The following SMIM17 variants were observed in gnomAD, a reference collection of about 807,000 sequenced individuals.
The protein encoded by SMIM17 is small integral membrane protein 17.
Under a neutral mutation model 12.2 loss-of-function variants are expected in SMIM17, and 10 were observed. The ratio of observed to expected loss-of-function variants is 0.82; its 90% CI spans 0.50 to 1.39. The LOEUF (loss-of-function observed/expected upper bound fraction) is 1.39. SMIM17 is among the 40% of genes most tolerant of loss of function. The pLI, the probability that SMIM17 is intolerant of heterozygous loss-of-function variation, is 0.00. For synonymous variants in SMIM17, 50 were observed against 44.1 expected, an observed-to-expected ratio of 1.13 and a Z score of -0.53; for missense variants, 136 against 118.2, an observed-to-expected ratio of 1.15 and a Z score of -0.70.
At position 56,645,589 on chromosome 19, in the gene SMIM17, G is replaced by C. The variant is rs1319625822; in HGVS notation, c.-79G>C. The C allele has an allele frequency of 7.5e-7, 1 of 1,331,796 alleles. No individual in the cohort carries two copies. Among genetic ancestry groups the C allele is most frequent in the Non-Finnish European group, 9.9e-7 (1 of 1,014,314 alleles). 82.5% of individuals were successfully genotyped at this position (1,331,796 alleles called of 1,614,324 possible). A position where few individuals can be genotyped will look rare whatever the true frequency, so the allele number is the denominator to read the frequency against. On this transcript the variant is annotated 5_prime_UTR_variant, in exon 2 of 4. Transcript: ENST00000598409. Reference sequence around the variant, plus strand: ...TCAGTCCTCAGGTTCTGAATCTTGTGCCTGGAGAACCAGAGAGGACCCTGG... The same window carrying C: ...TCAGTCCTCAGGTTCTGAATCTTGTCCCTGGAGAACCAGAGAGGACCCTGG...
intron 3 of SMIM17, among the ~76,000 whole-genome samples, chr19:56,654,548 C>CA (rs1285692041): frequency 6.6e-6 from 1 of 152,150 alleles, no homozygotes; most frequent in Admixed American, 6.5e-5. Context: ...ATAAAGCCAA[C>CA]AGTACTTGCT....
Position 56,655,975 on chromosome 19 carries a change from C to T in SMIM17, c.*762C>T, listed in dbSNP as rs1432538069. On this transcript the variant is annotated 3_prime_UTR_variant, in exon 4 of 4. Coordinates refer to ENST00000598409, the MANE Select transcript of SMIM17 (RefSeq NM_001193628.2). Reference sequence around the variant, plus strand: ...TTTTGTTTTTTTTTTTTTTTGAGACCGAGTCTCACTCTGTCACCCAGTCTG... The same window carrying T: ...TTTTGTTTTTTTTTTTTTTTGAGACTGAGTCTCACTCTGTCACCCAGTCTG... 2.0e-5 allele frequency among the ~76,000 whole-genome samples: 3 copies of T among 146,466 alleles called. No individual in the cohort carries two copies. Among genetic ancestry groups the T allele is most frequent in the Non-Finnish European group, 3.0e-5 (2 of 66,918 alleles).
Position 56,655,124 on chromosome 19 carries a change from G to A in SMIM17, c.268G>A (p.Ala90Thr). Residue 90 changes from alanine (A) to threonine (T), a missense_variant, in exon 4 of 4, where the codon GCT becomes ACT. Coordinates refer to ENST00000598409, the MANE Select transcript of SMIM17 (RefSeq NM_001193628.2). Reference protein sequence around the residue: ...GSQGFVEWSKAPQQTTIVLVV... With the variant: ...GSQGFVEWSKTPQQTTIVLVV... ...TCAGGGCTTTGTGGAGTGGTCAAAA[G>A]CTCCACAACAAACAACCATAGTCTT... 1.4e-6 allele frequency: 1 copy of A among 699,724 alleles called. No homozygotes were observed. The highest frequency in any genetic ancestry group is 2.6e-6 in the Non-Finnish European group (1 of 383,100). The allele number at this position is 699,724 out of a possible 1,614,324, so 43.3% of individuals were successfully genotyped here. A position where few individuals can be genotyped will look rare whatever the true frequency, so the allele number is the denominator to read the frequency against.
chr19:56,648,318 C>T (rs1232104302), intron 3 of SMIM17, among the ~76,000 whole-genome samples: 1 of 147,858 alleles, frequency 6.8e-6, no homozygotes, highest in African/African-American at 2.5e-5. Flanking sequence ...ACCAACTATT[C>T]ATCTGTCCAC....
Position 56,645,788 on chromosome 19 carries a change from T to C in SMIM17, c.121T>C (p.Trp41Arg), listed in dbSNP as rs2045058461. 2.0e-6 allele frequency: 3 copies of C among 1,535,776 alleles called. No homozygotes were observed. Among genetic ancestry groups the C allele is most frequent in the Non-Finnish European group, 2.6e-6 (3 of 1,146,786 alleles). ...KPPHPACTKD[W>R]EAVEVGASSH... ...TCCTCATCCCGCCTGCACCAAAGACTGGGAGGCTGTGGAGGTTGGGGCCTC... is the reference window on the plus strand; with the variant it reads ...TCCTCATCCCGCCTGCACCAAAGACCGGGAGGCTGTGGAGGTTGGGGCCTC... The change falls in exon 2 of 4, where the codon TGG becomes CGG. Residue 41 changes from tryptophan (W) to arginine (R), a missense_variant. Trp to Arg is a moderately radical substitution (Grantham distance 101). Coordinates refer to ENST00000598409, the MANE Select transcript of SMIM17 (RefSeq NM_001193628.2).
rs1027237271 is a variant in SMIM17 at position 56,645,820 on chromosome 19, T to C, written c.153T>C (p.His51=). ...WEAVEVGASS[H]DSDEKDLSSQ... ...CTGTGGAGGTTGGGGCCTCCAGCCATGACAGTGATGAGAAAGGTGAGAGGC... is the reference window on the plus strand; with the variant it reads ...CTGTGGAGGTTGGGGCCTCCAGCCACGACAGTGATGAGAAAGGTGAGAGGC... The change falls in exon 2 of 4, where the codon CAT becomes CAC. Residue 51 remains histidine (H), a synonymous_variant. Transcript: ENST00000598409. The C allele has an allele frequency of 1.4e-5, 22 of 1,533,704 alleles. No homozygotes were observed. In the African/African-American group the frequency reaches 2.5e-4, roughly 17 times the overall value.
At chr19:56,644,962 T>C (rs781229366) in intron 1 of SMIM17, among the ~76,000 whole-genome samples, 1 of 152,178 alleles carries the variant, frequency 6.6e-6, no homozygotes, top group Non-Finnish European at 1.5e-5. Context: ...CCTCCCACCT[T>C]GGTCTCCCAA....
Position 56,655,307 on chromosome 19 carries a change from G to C in SMIM17, c.*94G>C, listed in dbSNP as rs1034042839. The stretch of plus-strand genomic sequence containing the variant: ...TTGTGCTAGTTAAAAATCAGGAATA[G>C]GTGTTGAATATTTTCAAATGCCTTT... On this transcript the variant is annotated 3_prime_UTR_variant, in exon 4 of 4. Transcript: ENST00000598409. The C allele has an allele frequency of 1.8e-6, 1 of 551,270 alleles. No individual in the cohort carries two copies. The highest frequency in any genetic ancestry group is 3.3e-6 in the Non-Finnish European group (1 of 304,688). 34.1% of individuals were successfully genotyped at this position (551,270 alleles called of 1,614,324 possible). A position where few individuals can be genotyped will look rare whatever the true frequency, so the allele number is the denominator to read the frequency against.
In SMIM17 at chr19:56,645,822, A is replaced by G; in HGVS notation, c.155A>G (p.Asp52Gly). 6.5e-7 allele frequency: 1 copy of G among 1,533,800 alleles called. No homozygotes were observed. The highest frequency in any genetic ancestry group is 2.0e-5 in the Admixed American group (1 of 50,464). Residue 52 changes from aspartate to glycine, a missense_variant, in exon 2 of 4, where the codon GAC (aspartate) becomes GGC (glycine). Coordinates refer to ENST00000598409, the MANE Select transcript of SMIM17 (RefSeq NM_001193628.2). ...GTGGAGGTTGGGGCCTCCAGCCATGACAGTGATGAGAAAGGTGAGAGGCAG... is the reference window on the plus strand; with the variant it reads ...GTGGAGGTTGGGGCCTCCAGCCATGGCAGTGATGAGAAAGGTGAGAGGCAG... ...EAVEVGASSH[D>G]SDEKDLSSQE...
intron 2 of SMIM17, 62 bp from the exon 3 acceptor site, chr19:56,647,496 C>G (rs1457309297): frequency 8.0e-7 from 1 of 1,242,484 alleles, no homozygotes; most frequent in African/African-American, 1.5e-5. Flanking sequence ...GGGAAGAGCC[C>G]ACTCCTGCCA....
rs184928040 is a variant in SMIM17, at chr19:56,656,191, G to A, written c.*978G>A. 4.3e-4 allele frequency among the ~76,000 whole-genome samples: 65 copies of A among 152,046 alleles called. No individual in the cohort carries two copies. The highest frequency in any genetic ancestry group is 1.3e-3 in the African/African-American group (54 of 41,492). ...GATCTCCTGACCTCGTGATCCGCCC[G>A]CCTTGGCCTCCCAAAGTGCTGGGAT... On this transcript the variant is annotated 3_prime_UTR_variant, in exon 4 of 4. Coordinates refer to ENST00000598409, the MANE Select transcript of SMIM17 (RefSeq NM_001193628.2).
At position 56,651,554 on chromosome 19, in the gene SMIM17, C is replaced by T. The variant is rs148640083; in HGVS notation, c.247-3549C>T. Reference sequence around the variant, plus strand: ...CATATGTAACACCTGCAAATCTTATCTAAGTGCATGAGATTTTAAAAAGAT... The same window carrying T: ...CATATGTAACACCTGCAAATCTTATTTAAGTGCATGAGATTTTAAAAAGAT... On this transcript the variant is annotated intron_variant, in intron 3 of 3. Transcript: ENST00000598409. Among the ~76,000 whole-genome samples, 13 of 152,300 alleles carry T rather than the reference C, an allele frequency of 8.5e-5. No homozygotes were observed. In the East Asian group the frequency reaches 2.5e-3, roughly 29 times the overall value.
At position 56,648,663 on chromosome 19, in the gene SMIM17, C is replaced by T. The variant is rs539766056; in HGVS notation, c.246+1029C>T. ...ATTCACACACCCAGTCATAAGACCA[C>T]CTACCAATCCATTCACCCATCCACC... On this transcript the variant is annotated intron_variant, in intron 3 of 3. Transcript: ENST00000598409. Among the ~76,000 whole-genome samples, 17 of 152,190 alleles carry T rather than the reference C, an allele frequency of 1.1e-4. No individual in the cohort carries two copies. In the South Asian group the frequency reaches 3.5e-3, roughly 32 times the overall value.
At chr19:56,647,172 A>G (rs1371036127) in intron 2 of SMIM17, among the ~76,000 whole-genome samples, 2 of 151,726 alleles carry the variant, frequency 1.3e-5, no homozygotes, top group Non-Finnish European at 2.9e-5. Flanking sequence ...CTGCTCCTTC[A>G]CTCAGTTTCT....
intron 2 of SMIM17, 144 bp from the exon 3 acceptor site, chr19:56,647,414 G>T: frequency 1.7e-6 from 1 of 580,448 alleles, no homozygotes; most frequent in Non-Finnish European, 3.0e-6. Context: ...AGAGAGAGAA[G>T]GAGGGTGAGA....
At chr19:56,648,376 TCCA>T (rs1362000517) in intron 3 of SMIM17, among the ~76,000 whole-genome samples, 18 of 22,644 alleles carry the variant, frequency 7.9e-4, no homozygotes, top group Non-Finnish European at 9.8e-4. Context: ...ATATACCCAT[TCCA>T]TCCATCCATC....
intron 2 of SMIM17, among the ~76,000 whole-genome samples, chr19:56,646,655 G>A (rs1035052169): frequency 1.3e-5 from 2 of 152,176 alleles, no homozygotes; most frequent in South Asian, 2.1e-4. Context: ...GAAGGTGGGA[G>A]GCCAGTTAGG....
intron 1 of SMIM17, among the ~76,000 whole-genome samples, chr19:56,644,809 C>G (rs2045049458): frequency 6.6e-6 from 1 of 152,182 alleles, no homozygotes. Context: ...GTCTTTCTCT[C>G]TTACCCAGGC....
intron 3 of SMIM17, among the ~76,000 whole-genome samples, chr19:56,654,784 C>A (rs912082837): frequency 6.6e-5 from 10 of 152,122 alleles, no homozygotes; most frequent in African/African-American, 1.4e-4. Flanking sequence ...AACAAATACA[C>A]ATACATATGC....
Sources: allele counts gnomAD v4.1 joint callset (sites outside exome capture counted in the v4.1 genomes callset), GRCh38; gene constraint gnomAD v4.1.1; transcripts MANE v1.5; gene names NCBI Gene and HGNC (gene_info 2026-07-23, HGNC 2026-07-21).